The following GLOD4 variants were observed in gnomAD, a reference collection of about 807,000 sequenced individuals.
GLOD4 encodes glyoxalase domain containing 4.
In GLOD4, 44 loss-of-function variants were observed where a neutral mutation model predicts 39.1. The observed-to-expected ratio is 1.13, with a 90% CI of 0.88 to 1.45. The LOEUF is 1.45. GLOD4 is among the 40% of genes most tolerant of loss of function. GLOD4 has a pLI of 0.00. For synonymous variants in GLOD4, 145 were observed against 135.0 expected (o/e 1.07, Z -0.52); for missense variants, 405 against 366.4 (o/e 1.11, Z -0.86).
Position 775,821 on chromosome 17 carries a change from C to CG in GLOD4, c.359dup (p.Gly122ArgfsTer3). On this transcript the variant is annotated frameshift_variant, in exon 4 of 9. Coordinates refer to ENST00000301329, the MANE Select transcript of GLOD4 (RefSeq NM_016080.4). LOFTEE classifies it high-confidence loss of function. ...TCTGCAAATAGAACTTATATCCTCC[C>CG]GGGGCCTCGGTTTCAAAAACACCTT... 1.2e-6 allele frequency: 2 copies of CG among 1,613,986 alleles called. No homozygotes were observed. Among genetic ancestry groups the CG allele is most frequent in the Non-Finnish European group, 1.7e-6 (2 of 1,179,860 alleles).
At chr17:780,275 CTGTT>C (rs2144480828) in intron 1 of GLOD4, among the ~76,000 whole-genome samples, 1 of 152,340 alleles carries the variant, frequency 6.6e-6, no homozygotes, top group South Asian at 2.1e-4. Flanking sequence ...CATCACCACC[CTGTT>C]TAAGAACATA....
chr17:781,985 A>G (rs1187415169), intron 1 of GLOD4, 181 bp downstream of exon 1: 1 of 588,940 alleles, frequency 1.7e-6, no homozygotes, highest in Non-Finnish European at 3.0e-6. Context: ...CCCTTCTCCA[A>G]GGCCTATGAT....
Position 770,517 on chromosome 17 carries a change from G to A in GLOD4, c.544-10C>T. Reference sequence around the variant, plus strand: ...GTAGCTCCAGCTTACACTGAAATAGGAAAGGGGGTTATTTTTTGGAACAGG... The same window carrying A: ...GTAGCTCCAGCTTACACTGAAATAGAAAAGGGGGTTATTTTTTGGAACAGG... On this transcript the variant is annotated splice_polypyrimidine_tract_variant and intron_variant, in intron 5 of 8. Transcript: ENST00000301329. The A allele has an allele frequency of 7.3e-7, 1 of 1,363,086 alleles. No individual in the cohort carries two copies. Among genetic ancestry groups the A allele is most frequent in the Non-Finnish European group, 1.1e-6 (1 of 950,502 alleles). 84.4% of individuals were successfully genotyped at this position (1,363,086 alleles called of 1,614,324 possible).
chr17:764,937 G>A (rs376114113), intron 8 of GLOD4: 2 of 151,076 alleles, frequency 1.3e-5, no homozygotes, highest in East Asian at 4.2e-4. Flanking sequence ...AACCCGGGAG[G>A]CGGAGCTTGC....
chr17:775,122 A>G (rs1411608118), intron 4 of GLOD4, among the ~76,000 whole-genome samples: 1 of 151,074 alleles, frequency 6.6e-6, no homozygotes, highest in South Asian at 2.1e-4. Flanking sequence ...AAAAAAAAAA[A>G]AAGCTGAGCG....
intron 1 of GLOD4, among the ~76,000 whole-genome samples, chr17:780,119 G>T (rs1489660283): frequency 6.6e-6 from 1 of 152,114 alleles, no homozygotes; most frequent in Admixed American, 6.5e-5. Context: ...AGCCGAGATT[G>T]CGCCACTGCA....
chr17:777,685 T>G (rs181530982), intron 2 of GLOD4: 1 of 152,086 alleles, frequency 6.6e-6, no homozygotes, highest in Non-Finnish European at 1.5e-5. Context: ...ATCTAGAGCA[T>G]GTACTTATTT....
intron 2 of GLOD4, chr17:777,255 G>C: frequency 2.1e-6 from 1 of 483,292 alleles, no homozygotes; most frequent in East Asian, 3.5e-5. Flanking sequence ...CCTAAAGACA[G>C]TTCTCCAACT....
intron 4 of GLOD4, 53 bp from the exon 5 acceptor site, chr17:771,514 A>G (rs1907942860): frequency 3.8e-6 from 4 of 1,051,598 alleles, no homozygotes; most frequent in Admixed American, 2.7e-5. Flanking sequence ...AATAAAATAG[A>G]AAGACCAAAA....
At chr17:782,071 T>C (rs769049055) in intron 1 of GLOD4, 95 bp downstream of exon 1, 1 of 877,994 alleles carries the variant, frequency 1.1e-6, no homozygotes, top group Non-Finnish European at 1.8e-6. Context: ...CCGGCTTAGG[T>C]TCACGACACA....
At chr17:777,341 G>A (rs558403736) in intron 2 of GLOD4, 7 of 216,742 alleles carry the variant, frequency 3.2e-5, no homozygotes, top group Middle Eastern at 1.8e-3. Context: ...AACTTGTCAC[G>A]GTACTAAGCT....
At chr17:776,650 C>T (rs569147840) in intron 3 of GLOD4, among the ~76,000 whole-genome samples, 1 of 152,346 alleles carries the variant, frequency 6.6e-6, no homozygotes, top group East Asian at 1.9e-4. Context: ...CCTTACACCT[C>T]CTCGAACACG....
At chr17:782,412 G>T (rs763436947), upstream of GLOD4, 9 of 1,613,760 alleles carry the variant, frequency 5.6e-6, no homozygotes, top group East Asian at 1.6e-4. Context: ...GAGGTTTGTC[G>T]TGCGACCGTT....
chr17:768,208 T>C (rs1188605420), intron 8 of GLOD4, among the ~76,000 whole-genome samples: 2 of 143,962 alleles, frequency 1.4e-5, no homozygotes, highest in Non-Finnish European at 3.0e-5. Context: ...GAAGAAGAAA[T>C]CTGGAGAGGA....
intron 8 of GLOD4, among the ~76,000 whole-genome samples, chr17:768,398 GAA>G (rs1491519512): frequency 6.9e-6 from 1 of 145,042 alleles, no homozygotes; most frequent in African/African-American, 2.6e-5. Flanking sequence ...GTAAGAGAGA[GAA>G]ACAGCGCGCG....
intron 8 of GLOD4, among the ~76,000 whole-genome samples, chr17:765,990 AGAG>A (rs534363521): frequency 8.4e-4 from 127 of 151,932 alleles, no homozygotes; most frequent in African/African-American, 2.9e-3. Context: ...CGCTAACAGC[AGAG>A]GAGAAGAGAG....
Position 759,962 on chromosome 17 carries a change from CAGCA to C in GLOD4, c.*207_*210del. Reference sequence around the variant, plus strand: ...GCAGTCCCAGCAACAGTGTAGATTACAGCAGGCGTTCTCTACCTGGACTCATGAT... The same window carrying C: ...GCAGTCCCAGCAACAGTGTAGATTACGGCGTTCTCTACCTGGACTCATGAT... On this transcript the variant is annotated 3_prime_UTR_variant, in exon 9 of 9. Transcript: ENST00000301329. 5.2e-6 allele frequency: 3 copies of C among 573,788 alleles called. No individual in the cohort carries two copies. Among genetic ancestry groups the C allele is most frequent in the South Asian group, 2.1e-5 (1 of 46,586 alleles). The allele number at this position is 573,788 out of a possible 1,614,324, so 35.5% of individuals were successfully genotyped here.
intron 6 of GLOD4, 120 bp from the exon 7 acceptor site, chr17:770,277 A>C: frequency 1.3e-6 from 1 of 755,898 alleles, no homozygotes; most frequent in Non-Finnish European, 2.4e-6. Context: ...GTTTGAATTT[A>C]TTATCTCAGC....
intron 2 of GLOD4, chr17:777,811 C>A (rs1295610079): frequency 6.6e-6 from 1 of 152,202 alleles, no homozygotes; most frequent in African/African-American, 2.4e-5. Flanking sequence ...TCATAATGAG[C>A]CCCTTTCAGT....
Sources: allele counts gnomAD v4.1 joint callset (sites outside exome capture counted in the v4.1 genomes callset), GRCh38; gene constraint gnomAD v4.1.1; transcripts MANE v1.5; gene names NCBI Gene and HGNC (gene_info 2026-07-23, HGNC 2026-07-21).